Variants in PTPN6 observed in about 807,000 individuals in gnomAD.
PTPN6 encodes tyrosine-protein phosphatase non-receptor type 6.
A neutral mutation model predicts 81.5 loss-of-function variants in PTPN6; 18 were observed. That is an observed-to-expected ratio of 0.22 (90% CI 0.15 to 0.33). The LOEUF (loss-of-function observed/expected upper bound fraction) is 0.33. Ranked by LOEUF, PTPN6 falls within the 10% of genes least tolerant of loss-of-function variation. The pLI, the probability that PTPN6 is intolerant of heterozygous loss-of-function variation, is 1.00. For missense variants in PTPN6, 500 were observed against 794.2 expected (o/e 0.63, Z 4.45); for synonymous variants, 301 against 310.9 (o/e 0.97, Z 0.33).
In PTPN6 at chr12:6,959,677, G is replaced by A. The variant is rs926651738; in HGVS notation, c.1362-250G>A. 1 of 592,722 alleles carries A rather than the reference G, an allele frequency of 1.7e-6. No individual in the cohort carries two copies. The highest frequency in any genetic ancestry group is 3.0e-6 in the Non-Finnish European group (1 of 331,866). The allele number at this position is 592,722 out of a possible 1,614,324, so 36.7% of individuals were successfully genotyped here. On this transcript the variant is annotated intron_variant, in intron 11 of 15. Coordinates refer to ENST00000318974, the MANE Select transcript of PTPN6 (RefSeq NM_002831.6). This position sits in a 1 kb window ranked among gnomAD's most constrained non-coding sequence, Gnocchi z 6.6. ...ACTAGGAGTGAGGAGTCGGCGCGAGGAGTGGAGGAGGGAAGGATGGTGGCA... is the reference window on the plus strand; with the variant it reads ...ACTAGGAGTGAGGAGTCGGCGCGAGAAGTGGAGGAGGGAAGGATGGTGGCA...
Position 6,959,780 on chromosome 12 carries a change from C to T in PTPN6, c.1362-147C>T. 1.2e-6 allele frequency: 1 copy of T among 849,576 alleles called. No individual in the cohort carries two copies. The highest frequency in any genetic ancestry group is 1.9e-6 in the Non-Finnish European group (1 of 513,986). The allele number at this position is 849,576 out of a possible 1,614,324, so 52.6% of individuals were successfully genotyped here. A position where few individuals can be genotyped will look rare whatever the true frequency, so the allele number is the denominator to read the frequency against. ...AGAGCTGGGCAAACCTCCATCATCA[C>T]TTGCCCGGTGACCCTGGGCACATTC... is the stretch of plus-strand genomic sequence containing the variant. On this transcript the variant is annotated intron_variant, in intron 11 of 15. Coordinates refer to ENST00000318974, the MANE Select transcript of PTPN6 (RefSeq NM_002831.6). The surrounding 1 kb of genome is among the most constrained non-coding windows in gnomAD (Gnocchi z 6.6).
At position 6,951,388 on chromosome 12, in the gene PTPN6, G is replaced by A. The variant is rs782778738; in HGVS notation, c.-125G>A. 1.1e-3 allele frequency: 1,649 copies of A among 1,546,922 alleles called. 15 individuals carry two copies. The African/African-American group carries it at 0.019, about 18-fold the overall frequency. ...TGGCAGCCCCAGAACTGGGACCACC[G>A]GGGGTGGTGAGGCGGCCCGGCACTG... is the stretch of plus-strand genomic sequence containing the variant. On this transcript the variant is annotated 5_prime_UTR_variant, in exon 1 of 16. Coordinates refer to ENST00000318974, the MANE Select transcript of PTPN6 (RefSeq NM_002831.6). This position sits in a 1 kb window ranked among gnomAD's most constrained non-coding sequence, Gnocchi z 7.2.
intron 3 of PTPN6, chr12:6,953,497 A>C (rs1320773139): frequency 6.6e-6 from 1 of 152,330 alleles, no homozygotes; most frequent in Non-Finnish European, 1.5e-5. Context: ...GGTTAAGACC[A>C]GGGAAGCCGC....
upstream of PTPN6, chr12:6,946,775 G>T (rs782141691): frequency 5.0e-6 from 8 of 1,597,174 alleles, no homozygotes; most frequent in Non-Finnish European, 6.0e-6. Context: ...CCAGTCTCCT[G>T]TTAGTTTTGG....
Position 6,957,891 on chromosome 12 carries a change from G to A in PTPN6, c.1207-28G>A, listed in dbSNP as rs1164271453. 2 of 1,614,010 alleles carry A rather than the reference G, an allele frequency of 1.2e-6. No homozygotes were observed. The highest frequency in any genetic ancestry group is 1.7e-6 in the Non-Finnish European group (2 of 1,180,006). On this transcript the variant is annotated intron_variant, in intron 10 of 15. Transcript: ENST00000318974. This position sits in a 1 kb window ranked among gnomAD's most constrained non-coding sequence, Gnocchi z 6.5. ...GGATGAGGTGTTCCGAGAGAGGAGG[G>A]GGCACTGACCCTATGTCCTCGGCTT...
At chr12:6,951,057 G>A (rs1227513493), upstream of PTPN6, among the ~76,000 whole-genome samples, 2 of 152,212 alleles carry the variant, frequency 1.3e-5, no homozygotes, top group Non-Finnish European at 2.9e-5. This position sits in a 1 kb window ranked among gnomAD's most constrained non-coding sequence, Gnocchi z 7.2. Context: ...AAAGCAGCTG[G>A]TGGAGGAGGG....
In PTPN6 at chr12:6,952,100, G is replaced by T; in HGVS notation, c.249G>T (p.Gln83His). The T allele has an allele frequency of 5.6e-6, 9 of 1,614,140 alleles. No individual in the cohort carries two copies. The highest frequency in any genetic ancestry group is 7.6e-6 in the Non-Finnish European group (9 of 1,180,020). The change falls in exon 3 of 16, where the codon CAG becomes CAT. Residue 83 changes from glutamine to histidine, a missense_variant. Physicochemically the swap from Gln to His is conservative, Grantham distance 24 (BLOSUM62 0). This residue lies in a region of PTPN6 where 98 missense variants were observed against 199.2 expected (regional missense o/e 0.49). Transcript: ENST00000318974. This position sits in a 1 kb window ranked among gnomAD's most constrained non-coding sequence, Gnocchi z 8.1. ...TELVEYYTQQ[Q>H]GVLQDRDGTI... The stretch of plus-strand genomic sequence containing the variant: ...TGGTGGAGTACTACACTCAGCAGCA[G>T]GGTGTCCTGCAGGACCGCGACGGCA...
At position 6,957,729 on chromosome 12, in the gene PTPN6, G is replaced by C; in HGVS notation, c.1150G>C (p.Glu384Gln). ...GCCCTACTCTGTGACCAACTGCGGGGAGCATGACACAACCGAATACAAACT... is the reference window on the plus strand; with the variant it reads ...GCCCTACTCTGTGACCAACTGCGGGCAGCATGACACAACCGAATACAAACT... ...YGPYSVTNCG[E>Q]HDTTEYKLRT... is the part of the protein sequence containing the mutation. The change falls in exon 10 of 16, where the codon GAG (glutamate) becomes CAG (glutamine). Residue 384 changes from glutamate to glutamine, a missense_variant. Glu to Gln is a conservative substitution (Grantham distance 29, BLOSUM62 2). Coordinates refer to ENST00000318974, the MANE Select transcript of PTPN6 (RefSeq NM_002831.6). This position sits in a 1 kb window ranked among gnomAD's most constrained non-coding sequence, Gnocchi z 6.5. The C allele has an allele frequency of 6.2e-7, 1 of 1,614,166 alleles. No individual in the cohort carries two copies. The highest frequency in any genetic ancestry group is 8.5e-7 in the Non-Finnish European group (1 of 1,180,026).
At position 6,957,873 on chromosome 12, in the gene PTPN6, G is replaced by A. The variant is rs77217670; in HGVS notation, c.1207-46G>A. 1,451 of 1,613,992 alleles carry A rather than the reference G, an allele frequency of 9.0e-4. 15 individuals are homozygous for A. In the African/African-American group the frequency reaches 0.018, roughly 20 times the overall value. ...GGTCGGGTAGGGTGAGATGGATGAG[G>A]TGTTCCGAGAGAGGAGGGGGCACTG... On this transcript the variant is annotated intron_variant, in intron 10 of 15. Transcript: ENST00000318974. The surrounding 1 kb of genome is among the most constrained non-coding windows in gnomAD (Gnocchi z 6.5).
In PTPN6 at chr12:6,957,742, C is replaced by A. The variant is rs1946057064; in HGVS notation, c.1163C>A (p.Thr388Asn). The A allele has an allele frequency of 6.2e-7, 1 of 1,613,402 alleles. No homozygotes were observed. Among genetic ancestry groups the A allele is most frequent in the South Asian group, 1.1e-5 (1 of 91,084 alleles). ...ACCAACTGCGGGGAGCATGACACAA[C>A]CGAATACAAACTCCGTACCTTACAG... ...SVTNCGEHDT[T>N]EYKLRTLQVS... The change falls in exon 10 of 16, where the codon ACC becomes AAC. Residue 388 changes from threonine (T) to asparagine (N), a missense_variant. Physicochemically the swap from Thr to Asn is moderately conservative, Grantham distance 65 (BLOSUM62 0). Coordinates refer to ENST00000318974, the MANE Select transcript of PTPN6 (RefSeq NM_002831.6). The surrounding 1 kb of genome is among the most constrained non-coding windows in gnomAD (Gnocchi z 6.5).
chr12:6,957,639 A>G lies in PTPN6; in HGVS notation c.1075-15A>G. ...CTGCTCTGTGCCTCATCCCCACCCGACCCTCCCTTTCCAGAACAAATGCGT... is the reference window on the plus strand; with the variant it reads ...CTGCTCTGTGCCTCATCCCCACCCGGCCCTCCCTTTCCAGAACAAATGCGT... On this transcript the variant is annotated splice_polypyrimidine_tract_variant and intron_variant, in intron 9 of 15. Coordinates refer to ENST00000318974, the MANE Select transcript of PTPN6 (RefSeq NM_002831.6). This position sits in a 1 kb window ranked among gnomAD's most constrained non-coding sequence, Gnocchi z 6.5. 1 of 843,114 alleles carries G rather than the reference A, an allele frequency of 1.2e-6. No individual in the cohort carries two copies. Among genetic ancestry groups the G allele is most frequent in the Middle Eastern group, 2.5e-4 (1 of 3,952 alleles). 52.2% of individuals were successfully genotyped at this position (843,114 alleles called of 1,614,324 possible).
upstream of PTPN6, among the ~76,000 whole-genome samples, chr12:6,948,639 AAAAAG>A: frequency 6.6e-6 from 1 of 151,906 alleles, no homozygotes. Flanking sequence ...GGTCGAAAGA[AAAAAG>A]AAAAAGTGAC....
upstream of PTPN6, chr12:6,946,741 T>A: frequency 6.2e-7 from 1 of 1,611,982 alleles, no homozygotes; most frequent in Non-Finnish European, 8.5e-7. Flanking sequence ...GTCCCGTGGG[T>A]AAGTCCCGGG....
chr12:6,946,735 C>A, upstream of PTPN6: 1 of 1,612,314 alleles, frequency 6.2e-7, no homozygotes, highest in East Asian at 2.2e-5. Flanking sequence ...GATGCTGTCC[C>A]GTGGGTAAGT....
intron 3 of PTPN6, chr12:6,953,599 G>T (rs1945966866): frequency 6.6e-6 from 1 of 152,402 alleles, no homozygotes; most frequent in African/African-American, 2.4e-5. Flanking sequence ...AGGTTCTGCT[G>T]TGTCCTCTGC....
Position 6,956,010 on chromosome 12 carries a change from C to A in PTPN6, c.845-132C>A. On this transcript the variant is annotated intron_variant, in intron 7 of 15. Coordinates refer to ENST00000318974, the MANE Select transcript of PTPN6 (RefSeq NM_002831.6). This position sits in a 1 kb window ranked among gnomAD's most constrained non-coding sequence, Gnocchi z 4.1. ...CCATACAGATGATCCCCCACCCCTG[C>A]TGCCCACAGTCCCCCGCAAGCCTCA... The A allele has an allele frequency of 1.0e-6, 1 of 955,564 alleles. No individual in the cohort carries two copies. The highest frequency in any genetic ancestry group is 1.7e-6 in the Non-Finnish European group (1 of 604,876). The allele number at this position is 955,564 out of a possible 1,614,324, so 59.2% of individuals were successfully genotyped here.
In PTPN6 at chr12:6,956,673, G is replaced by A; in HGVS notation, c.1074+105G>A. The A allele has an allele frequency of 6.8e-7, 1 of 1,480,720 alleles. No homozygotes were observed. Among genetic ancestry groups the A allele is most frequent in the South Asian group, 1.2e-5 (1 of 85,920 alleles). 91.7% of individuals were successfully genotyped at this position (1,480,720 alleles called of 1,614,324 possible). A position where few individuals can be genotyped will look rare whatever the true frequency, so the allele number is the denominator to read the frequency against. Reference sequence around the variant, plus strand: ...GCAGAAAGGGATCTCAGGGGTGAGGGTCCGGCCCTTGTTGGGAAACTGAGG... The same window carrying A: ...GCAGAAAGGGATCTCAGGGGTGAGGATCCGGCCCTTGTTGGGAAACTGAGG... On this transcript the variant is annotated intron_variant, in intron 9 of 15. Transcript: ENST00000318974. This position sits in a 1 kb window ranked among gnomAD's most constrained non-coding sequence, Gnocchi z 4.1.
chr12:6,948,746 C>G (rs1945873327), upstream of PTPN6, among the ~76,000 whole-genome samples: 1 of 151,712 alleles, frequency 6.6e-6, no homozygotes, highest in African/African-American at 2.4e-5. Context: ...CAAGACCAGC[C>G]TGGCCAACAT....
Position 6,952,313 on chromosome 12 carries a change from C to T in PTPN6, c.326+136C>T. 1.0e-6 allele frequency: 1 copy of T among 962,534 alleles called. No homozygotes were observed. Among genetic ancestry groups the T allele is most frequent in the Admixed American group, 2.0e-5 (1 of 50,236 alleles). 59.6% of individuals were successfully genotyped at this position (962,534 alleles called of 1,614,324 possible). A position where few individuals can be genotyped will look rare whatever the true frequency, so the allele number is the denominator to read the frequency against. On this transcript the variant is annotated intron_variant, in intron 3 of 15. Coordinates refer to ENST00000318974, the MANE Select transcript of PTPN6 (RefSeq NM_002831.6). This position sits in a 1 kb window ranked among gnomAD's most constrained non-coding sequence, Gnocchi z 8.1. Reference sequence around the variant, plus strand: ...TCCCCTCCCTGCACCAGCTGGGGCTCTCAATGTCCCTCCTCCCTGCTGTCC... The same window carrying T: ...TCCCCTCCCTGCACCAGCTGGGGCTTTCAATGTCCCTCCTCCCTGCTGTCC...
Sources: gnomAD v4.1 joint callset for allele counts (sites outside exome capture counted in the v4.1 genomes callset) on GRCh38, gnomAD v4.1.1 for gene constraint, gnomAD v4.1.1 regional missense constraint, Gnocchi (gnomAD v3.1) non-coding constraint, MANE v1.5 for transcripts, NCBI Gene and HGNC (gene_info 2026-07-23, HGNC 2026-07-21) for gene names.